TENM3: variants seen among roughly 807,000 people sequenced by gnomAD.
TENM3 encodes the protein teneurin transmembrane protein 3, also known as teneurin-3.
TENM3 carries 63 observed loss-of-function variants against 255.1 expected under a neutral mutation model. The ratio of observed to expected loss-of-function variants is 0.25; its 90% confidence interval spans 0.20 to 0.30. TENM3 has a LOEUF of 0.30. TENM3 is among the 10% of genes least tolerant of loss of function. The pLI, the probability that TENM3 is intolerant of heterozygous loss-of-function variation, is 1.00. For synonymous variants in TENM3, 1,306 were observed against 1,322.3 expected (o/e 0.99, Z 0.27); for missense variants, 2,929 against 3,461.1 (o/e 0.85, Z 3.86).
upstream of TENM3, chr4:182,144,243 C>T (rs968992828): frequency 2.1e-4 from 32 of 152,300 alleles, no homozygotes; most frequent in Non-Finnish European, 3.5e-4. Flanking sequence ...CGTGTACGCG[C>T]CCGGGCTCGG....
chr4:181,796,629 A>G, the TENM3 span, among the ~76,000 whole-genome samples: 2 of 152,196 alleles, frequency 1.3e-5, no homozygotes, highest in Non-Finnish European at 2.9e-5. Flanking sequence ...GAGGCGAAGT[A>G]GAATTAATCA....
chr4:181,860,994 G>C, the TENM3 span, among the ~76,000 whole-genome samples: 1 of 151,930 alleles, frequency 6.6e-6, no homozygotes, highest in Non-Finnish European at 1.5e-5. Context: ...GGTTGATATC[G>C]AAAAAAATGT....
chr4:181,465,405 C>G, the TENM3 span, among the ~76,000 whole-genome samples: 1 of 152,084 alleles, frequency 6.6e-6, no homozygotes, highest in Non-Finnish European at 1.5e-5. Flanking sequence ...CATTTGATGC[C>G]TGGGATTGCT....
the TENM3 span, among the ~76,000 whole-genome samples, chr4:181,967,867 TCA>T: frequency 6.6e-6 from 1 of 152,130 alleles, no homozygotes; most frequent in Admixed American, 6.5e-5. Flanking sequence ...CTGAAATATT[TCA>T]CACAGTTTGG....
chr4:181,451,992 C>A, the TENM3 span, among the ~76,000 whole-genome samples: 2 of 152,022 alleles, frequency 1.3e-5, no homozygotes, highest in Middle Eastern at 3.4e-3. Context: ...AAGAAACAGC[C>A]AGAGAAGTGG....
intron 3 of TENM3, among the ~76,000 whole-genome samples, chr4:182,527,355 T>C (rs536160245): frequency 3.3e-5 from 5 of 152,302 alleles, no homozygotes; most frequent in South Asian, 2.1e-4. Flanking sequence ...GTGCTATACC[T>C]AATTACAGAT....
chr4:182,443,533 C>A lies in TENM3; in HGVS notation c.511+96604C>A, dbSNP rs118035556. 2.8e-3 allele frequency among the ~76,000 whole-genome samples: 419 copies of A among 152,294 alleles called. 4 individuals carry two copies. The South Asian group carries it at 0.03, about 11-fold the overall frequency. ...CACAGCCCCAGCTAACTCTTGCTGG[C>A]CATCTGGATTTCTCTTGAAGCTCTG... On this transcript the variant is annotated intron_variant, in intron 3 of 27. Coordinates refer to ENST00000511685, the MANE Select transcript of TENM3 (RefSeq NM_001080477.4).
At chr4:181,839,532 T>C in the TENM3 span, among the ~76,000 whole-genome samples, 1 of 148,764 alleles carries the variant, frequency 6.7e-6, no homozygotes, top group South Asian at 2.1e-4. Flanking sequence ...TACACACACA[T>C]GCTCATATGT....
the TENM3 span, among the ~76,000 whole-genome samples, chr4:181,574,592 A>G: frequency 1.3e-5 from 2 of 152,340 alleles, no homozygotes; most frequent in South Asian, 4.1e-4. Flanking sequence ...TTGATTCAGA[A>G]GTAAGTGAGT....
chr4:182,627,492 G>A (rs1750929884), intron 4 of TENM3, among the ~76,000 whole-genome samples: 1 of 152,004 alleles, frequency 6.6e-6, no homozygotes, highest in Non-Finnish European at 1.5e-5. Context: ...GAAGTATTTA[G>A]CTATGTCTTA....
chr4:182,121,154 C>T, the TENM3 span, among the ~76,000 whole-genome samples: 1 of 151,996 alleles, frequency 6.6e-6, no homozygotes, highest in Non-Finnish European at 1.5e-5. Context: ...GCCCACACGA[C>T]ACCCGGCTAA....
In TENM3 at chr4:182,317,639, A is replaced by G. The variant is rs926556163; in HGVS notation, c.-75-6307A>G. Among the ~76,000 whole-genome samples, 8 of 152,138 alleles carry G rather than the reference A, an allele frequency of 5.3e-5. No individual in the cohort carries two copies. In the Middle Eastern group the frequency reaches 0.014, roughly 259 times the overall value. On this transcript the variant is annotated intron_variant, in intron 1 of 27. Transcript: ENST00000511685. ...TTTAACTTTTTACCGCTAACATGAT[A>G]GTTAGATTCTCTTGTGTTCTACTAT...
intron 18 of TENM3, among the ~76,000 whole-genome samples, chr4:182,741,151 G>C (rs112998732): frequency 0.051 from 7,810 of 152,250 alleles, 291 homozygotes; most frequent in African/African-American, 0.11. Context: ...ACTCCAGCCT[G>C]GGTGACAGAG....
the TENM3 span, chr4:182,079,811 G>A: frequency 1.3e-5 from 2 of 152,302 alleles, no homozygotes; most frequent in Non-Finnish European, 2.9e-5. Context: ...AGAGCTTTCA[G>A]TCAATCCGAT....
chr4:182,374,122 G>T (rs938790081), intron 3 of TENM3, among the ~76,000 whole-genome samples: 3 of 152,098 alleles, frequency 2.0e-5, no homozygotes, highest in Admixed American at 6.5e-5. Context: ...CACATGCTTT[G>T]TGTCTTACTA....
the TENM3 span, among the ~76,000 whole-genome samples, chr4:181,605,452 A>AAGAGAGAG: frequency 2.0e-5 from 2 of 100,564 alleles, no homozygotes; most frequent in African/African-American, 8.3e-5. Context: ...AAAAGAAAGA[A>AAGAGAGAG]AGAGAGAGAG....
At chr4:181,676,450 T>C in the TENM3 span, among the ~76,000 whole-genome samples, 2 of 152,114 alleles carry the variant, frequency 1.3e-5, no homozygotes, top group East Asian at 3.9e-4. Flanking sequence ...TGCTGAGGTT[T>C]GGAATACAAA....
At position 182,601,071 on chromosome 4, in the gene TENM3, C is replaced by G; in HGVS notation, c.659C>G (p.Ala220Gly). The G allele has an allele frequency of 2.5e-6, 4 of 1,613,842 alleles. No homozygotes were observed. Among genetic ancestry groups the G allele is most frequent in the Non-Finnish European group, 3.4e-6 (4 of 1,179,860 alleles). Residue 220 changes from alanine to glycine, a missense_variant, in exon 4 of 28, where the codon GCT (alanine) becomes GGT (glycine). Around this residue, in one of 6 missense-constraint regions of TENM3, gnomAD observed 1,608 missense variants for 1,884.4 expected, o/e 0.85. Coordinates refer to ENST00000511685, the MANE Select transcript of TENM3 (RefSeq NM_001080477.4). ...NRRNQSPAPP[A>G]ALPAELQTTP... ...AGGAACCAGAGTCCGGCCCCGCCGG[C>G]TGCTTTGCCCGCCGAGCTGCAAACC... is the stretch of plus-strand genomic sequence containing the variant.
chr4:181,760,205 A>C, the TENM3 span, among the ~76,000 whole-genome samples: 9 of 152,266 alleles, frequency 5.9e-5, no homozygotes, highest in East Asian at 1.5e-3. Context: ...TCCTCCAAAA[A>C]AAAAATCTCC....
Sources: allele counts gnomAD v4.1 joint callset (sites outside exome capture counted in the v4.1 genomes callset), GRCh38; gene constraint gnomAD v4.1.1; regional missense constraint gnomAD v4.1.1; transcripts MANE v1.5; gene names NCBI Gene and HGNC (gene_info 2026-07-23, HGNC 2026-07-21).